The following MYO15B variants were observed in gnomAD, a reference collection of about 807,000 sequenced individuals.
The protein encoded by MYO15B is myosin XVB.
A neutral mutation model predicts 119.3 loss-of-function variants in MYO15B; 207 were observed. That is an observed-to-expected ratio of 1.73 (90% CI 1.55 to 1.95). MYO15B has a LOEUF of 1.95. Among genes scored for constraint, MYO15B ranks in the 30% most tolerant of loss-of-function variants. The pLI is 0.00. For missense variants in MYO15B, 2,264 were observed against 1,203.1 expected, an observed-to-expected ratio of 1.88 and a Z score of -13.04; for synonymous variants, 966 against 498.9, an observed-to-expected ratio of 1.94 and a Z score of -12.48.
At chr17:75,598,656 T>C (rs114321339) in intron 14 of MYO15B, among the ~76,000 whole-genome samples, 2,761 of 152,264 alleles carry the variant, frequency 0.018, 67 homozygotes, top group African/African-American at 0.062. Flanking sequence ...TATATTGATA[T>C]ATAACAAGTC....
rs1439845231 is a variant in MYO15B at position 75,626,155 on chromosome 17, A to AG, written c.9144dup (p.Pro3049AlafsTer12). On this transcript the variant is annotated frameshift_variant, in exon 63 of 64. Transcript: ENST00000645453. LOFTEE classifies it high-confidence loss of function. ...CACCTGCTAAGCCCTCTGGAGGAGA[A>AG]GGGGCCCCCTGGCCTGGAAGTCAAC... 1 of 702,940 alleles carries AG rather than the reference A, an allele frequency of 1.4e-6. No individual in the cohort carries two copies. Among genetic ancestry groups the AG allele is most frequent in the African/African-American group, 1.7e-5 (1 of 57,268 alleles). 43.5% of individuals were successfully genotyped at this position (702,940 alleles called of 1,614,324 possible).
At chr17:75,610,710 G>T in intron 22 of MYO15B, 190 bp from the exon 23 acceptor site, 1 of 586,978 alleles carries the variant, frequency 1.7e-6, no homozygotes, top group East Asian at 2.8e-5. Flanking sequence ...GATGGGCACA[G>T]ACGCCCACAG....
exon 38 of MYO15B, chr17:75,616,398 G>C (rs1034888664): frequency 2.2e-5 from 14 of 623,042 alleles, no homozygotes; most frequent in African/African-American, 2.2e-4. Flanking sequence ...GGAGGAGGAG[G>C]AGGAGGAGGA....
At position 75,623,476 on chromosome 17, in the gene MYO15B, A is replaced by G. The variant is rs2058824155; in HGVS notation, c.8083-305A>G. Among the ~76,000 whole-genome samples the G allele has an allele frequency of 2.6e-5, 4 of 152,298 alleles. No homozygotes were observed. The South Asian group carries it at 6.2e-4, about 24-fold the overall frequency. ...GAAACCCCATCTCTGCTAAAAATAC[A>G]AAAGTTAGCTGGGCGTGGTGGCACG... On this transcript the variant is annotated intron_variant, in intron 53 of 63. Coordinates refer to ENST00000645453, the Ensembl canonical transcript of MYO15B.
intron 21 of MYO15B, chr17:75,607,045 GGTT>G (rs1456324680): frequency 5.0e-6 from 2 of 398,280 alleles, no homozygotes; most frequent in Non-Finnish European, 8.9e-6. Context: ...CTCCCAGGCT[GGTT>G]GGGAAGTCAG....
exon 31 of MYO15B, chr17:75,614,635 G>A (rs1282496222): frequency 2.1e-5 from 15 of 700,824 alleles, no homozygotes; most frequent in Non-Finnish European, 3.6e-5. Flanking sequence ...ACTGCCCCCA[G>A]GACCCCCTCC....
intron 22 of MYO15B, 143 bp downstream of exon 22, chr17:75,610,402 C>T (rs894687519): frequency 5.6e-5 from 30 of 537,780 alleles, no homozygotes; most frequent in East Asian, 2.1e-4. Flanking sequence ...TTGAACTCAT[C>T]CCTTTTCCCT....
intron 4 of MYO15B, 153 bp downstream of exon 4, chr17:75,591,399 C>G: frequency 1.6e-6 from 1 of 618,344 alleles, no homozygotes. Context: ...CTGAAATCAT[C>G]ACATGAGCCC....
chr17:75,616,539 C>T, exon 39 of MYO15B: 1 of 702,694 alleles, frequency 1.4e-6, no homozygotes, highest in South Asian at 1.5e-5. Context: ...TCCCCTCCTC[C>T]TCCCCCCATC....
At chr17:75,616,425 CAAG>C in exon 38 of MYO15B, 1 of 628,898 alleles carries the variant, frequency 1.6e-6, no homozygotes, top group East Asian at 2.7e-5. Flanking sequence ...GCAGGAGGAG[CAAG>C]AAGTGGAAAC....
At chr17:75,599,038 C>A (rs2057069361) in intron 14 of MYO15B, among the ~76,000 whole-genome samples, 1 of 152,126 alleles carries the variant, frequency 6.6e-6, no homozygotes, top group African/African-American at 2.4e-5. Context: ...AAATAACGTC[C>A]AACTAAATTA....
exon 21 of MYO15B, chr17:75,605,962 C>T: frequency 2.8e-6 from 2 of 702,700 alleles, no homozygotes; most frequent in South Asian, 3.0e-5. Context: ...TCCACACCTG[C>T]ATCTCCCGCC....
chr17:75,625,406 C>CA, intron 60 of MYO15B, 121 bp from the exon 61 acceptor site: 1 of 656,804 alleles, frequency 1.5e-6, no homozygotes. Flanking sequence ...ACCCTCACCT[C>CA]ATTCATGTGT....
At chr17:75,599,941 C>T (rs548336280) in intron 14 of MYO15B, among the ~76,000 whole-genome samples, 132 of 150,432 alleles carry the variant, frequency 8.8e-4, no homozygotes, top group African/African-American at 3.0e-3. Flanking sequence ...TAAATACAAG[C>T]GCATGTGATT....
chr17:75,601,787 A>G (rs1296262185), intron 15 of MYO15B, among the ~76,000 whole-genome samples: 1 of 152,250 alleles, frequency 6.6e-6, no homozygotes, highest in Non-Finnish European at 1.5e-5. Flanking sequence ...GACCCTCCAG[A>G]CAAGTGGGCA....
At chr17:75,623,051 G>A (rs2058799057) in intron 53 of MYO15B, among the ~76,000 whole-genome samples, 1 of 131,318 alleles carries the variant, frequency 7.6e-6, no homozygotes, top group South Asian at 2.3e-4. Context: ...AGAAGCAGGG[G>A]CCGGGCGCGG....
At chr17:75,607,811 G>A (rs1441595897) in intron 21 of MYO15B, among the ~76,000 whole-genome samples, 1 of 152,090 alleles carries the variant, frequency 6.6e-6, no homozygotes. Flanking sequence ...GAGTGAAAGT[G>A]CTGGTAATTC....
chr17:75,626,487 G>A (rs1428728837), exon 64 of MYO15B: 1 of 703,224 alleles, frequency 1.4e-6, no homozygotes, highest in Non-Finnish European at 2.6e-6. Context: ...TCAACTGAGA[G>A]GAGTGCAGGC....
chr17:75,617,364 C>T (rs545779344), intron 41 of MYO15B, 60 bp downstream of exon 41: 60 of 585,690 alleles, frequency 1.0e-4, no homozygotes, highest in South Asian at 1.8e-4. Flanking sequence ...AGGGTTCGCA[C>T]AGACTCTCGG....
Sources: gnomAD v4.1 joint callset for allele counts (sites outside exome capture counted in the v4.1 genomes callset) on GRCh38, gnomAD v4.1.1 for gene constraint, MANE v1.5 for transcripts, NCBI Gene and HGNC (gene_info 2026-07-23, HGNC 2026-07-21) for gene names.